GALNT1: variants seen among roughly 807,000 people sequenced by gnomAD.
The protein encoded by GALNT1 is polypeptide N-acetylgalactosaminyltransferase 1.
Under a neutral mutation model 65.7 loss-of-function variants are expected in GALNT1, and 17 were observed. The ratio of observed to expected loss-of-function variants is 0.26; its 90% confidence interval spans 0.18 to 0.39. The LOEUF (loss-of-function observed/expected upper bound fraction) is 0.39. GALNT1 is among the 10% of genes least tolerant of loss of function. The pLI, the probability that GALNT1 is intolerant of heterozygous loss-of-function variation, is 1.00. For missense variants in GALNT1, 460 were observed against 672.8 expected (o/e 0.68, Z 3.50); for synonymous variants, 210 against 219.7 (o/e 0.96, Z 0.39).
chr18:35,620,891 G>C (rs1224905986), intron 1 of GALNT1, among the ~76,000 whole-genome samples: 1 of 151,822 alleles, frequency 6.6e-6, no homozygotes, highest in East Asian at 1.9e-4. Flanking sequence ...TGAGTGATAG[G>C]GTAGTGCTTT....
At chr18:35,692,955 G>C (rs527502912) in intron 9 of GALNT1, among the ~76,000 whole-genome samples, 1 of 152,254 alleles carries the variant, frequency 6.6e-6, no homozygotes, top group African/African-American at 2.4e-5. Flanking sequence ...TCTAGTATAT[G>C]ACAAGTACTG....
chr18:35,692,747 A>G (rs778636251), intron 9 of GALNT1, among the ~76,000 whole-genome samples: 1 of 152,134 alleles, frequency 6.6e-6, no homozygotes, highest in Non-Finnish European at 1.5e-5. Flanking sequence ...AGGGAAAGAA[A>G]TCCAACCTTT....
At chr18:35,632,097 G>T (rs1234624184) in intron 1 of GALNT1, among the ~76,000 whole-genome samples, 25 of 152,260 alleles carry the variant, frequency 1.6e-4, no homozygotes, top group African/African-American at 4.3e-4. Context: ...ATAGGAAGAA[G>T]CAATATTGTG....
intron 1 of GALNT1, among the ~76,000 whole-genome samples, chr18:35,594,902 A>G (rs2046486837): frequency 6.6e-6 from 1 of 152,178 alleles, no homozygotes; most frequent in Non-Finnish European, 1.5e-5. Context: ...GACAGAGGAC[A>G]AATCAGGATT....
At chr18:35,682,755 T>G (rs1360148388) in intron 4 of GALNT1, among the ~76,000 whole-genome samples, 1 of 152,050 alleles carries the variant, frequency 6.6e-6, no homozygotes, top group Non-Finnish European at 1.5e-5. Context: ...TTTCCCCTTT[T>G]GCCCACTTTT....
intron 1 of GALNT1, among the ~76,000 whole-genome samples, chr18:35,602,816 T>C (rs1277773571): frequency 9.9e-5 from 15 of 152,222 alleles, no homozygotes; most frequent in Admixed American, 9.8e-4. Flanking sequence ...ATTCTTGATC[T>C]GAGAGCTCGC....
intron 9 of GALNT1, among the ~76,000 whole-genome samples, chr18:35,701,417 A>G (rs1358674665): frequency 6.6e-6 from 1 of 152,166 alleles, no homozygotes; most frequent in East Asian, 1.9e-4. Context: ...ATCGTCTGGT[A>G]TTAATTGATC....
At chr18:35,607,820 G>A (rs1433650733) in intron 1 of GALNT1, among the ~76,000 whole-genome samples, 3 of 152,110 alleles carry the variant, frequency 2.0e-5, no homozygotes, top group African/African-American at 7.2e-5. Flanking sequence ...ATATCAACTA[G>A]AACCTCCAAC....
At chr18:35,637,129 T>TA (rs1353773398) in intron 1 of GALNT1, among the ~76,000 whole-genome samples, 1 of 152,100 alleles carries the variant, frequency 6.6e-6, no homozygotes, top group Non-Finnish European at 1.5e-5. Context: ...TTCCCCAAGA[T>TA]ACAACACATA....
At chr18:35,662,095 G>A (rs889423736) in intron 2 of GALNT1, among the ~76,000 whole-genome samples, 6 of 152,028 alleles carry the variant, frequency 3.9e-5, no homozygotes, top group Admixed American at 1.3e-4. Context: ...ATGACTATAC[G>A]AGTTTAACAG....
intron 1 of GALNT1, among the ~76,000 whole-genome samples, chr18:35,645,106 G>A (rs1302302994): frequency 6.7e-6 from 1 of 149,530 alleles, no homozygotes; most frequent in Non-Finnish European, 1.5e-5. Flanking sequence ...GAATAACCTT[G>A]TATTCATTTT....
chr18:35,700,403 G>A (rs2048141308), intron 9 of GALNT1, among the ~76,000 whole-genome samples: 1 of 152,136 alleles, frequency 6.6e-6, no homozygotes, highest in Admixed American at 6.5e-5. Context: ...GCGCCACCAG[G>A]AGCCTGAATC....
intron 1 of GALNT1, among the ~76,000 whole-genome samples, chr18:35,636,783 GTTT>G (rs58909585): frequency 4.7e-3 from 301 of 64,188 alleles, no homozygotes; most frequent in African/African-American, 0.014. Context: ...ATACTACTTT[GTTT>G]TTTTTTTTTT....
At chr18:35,595,997 GA>G in intron 1 of GALNT1, 1 of 152,144 alleles carries the variant, frequency 6.6e-6, no homozygotes, top group Non-Finnish European at 1.5e-5. Context: ...TTGAGAAATG[GA>G]AGGAGGTGGG....
chr18:35,617,066 A>G lies in GALNT1; in HGVS notation c.-104+35204A>G, dbSNP rs1212219894. Among the ~76,000 whole-genome samples, 4 of 152,160 alleles carry G rather than the reference A, an allele frequency of 2.6e-5. No individual in the cohort carries two copies. The East Asian group carries it at 7.7e-4, about 29-fold the overall frequency. ...CCATTTGAGCAGCAGTGACGGGTGA[A>G]TGTAATGCAAGCGGCGCATTGCAGG... On this transcript the variant is annotated intron_variant, in intron 1 of 11. Transcript: ENST00000269195.
chr18:35,706,559 CT>C (rs1305764668), intron 11 of GALNT1, among the ~76,000 whole-genome samples: 2 of 152,088 alleles, frequency 1.3e-5, no homozygotes, highest in Non-Finnish European at 1.5e-5. Flanking sequence ...AGTTTTAAAA[CT>C]TCTAGATCGC....
intron 1 of GALNT1, among the ~76,000 whole-genome samples, chr18:35,644,483 T>G (rs902945034): frequency 1.3e-5 from 2 of 152,232 alleles, no homozygotes; most frequent in Admixed American, 6.5e-5. Flanking sequence ...TAAGCCAGAA[T>G]AGCTGCTACT....
chr18:35,689,567 C>G (rs1185265896), intron 7 of GALNT1, among the ~76,000 whole-genome samples: 2 of 152,050 alleles, frequency 1.3e-5, no homozygotes, highest in Non-Finnish European at 2.9e-5. Flanking sequence ...AATTTAAGCT[C>G]TAAAAGCTAA....
chr18:35,641,927 TTA>T (rs2047169354), intron 1 of GALNT1, among the ~76,000 whole-genome samples: 1 of 152,198 alleles, frequency 6.6e-6, no homozygotes, highest in African/African-American at 2.4e-5. Flanking sequence ...ATTTTGTAAT[TTA>T]TAGTGTGAAA....
Sources: gnomAD v4.1 joint callset for allele counts (sites outside exome capture counted in the v4.1 genomes callset) on GRCh38, gnomAD v4.1.1 for gene constraint, MANE v1.5 for transcripts, NCBI Gene and HGNC (gene_info 2026-07-23, HGNC 2026-07-21) for gene names.